The following USH2A variants were observed in gnomAD, a reference collection of about 807,000 sequenced individuals.
USH2A encodes the protein usherin.
A neutral mutation model predicts 538.9 loss-of-function variants in USH2A; 443 were observed. The ratio of observed to expected loss-of-function variants is 0.82; its 90% CI spans 0.76 to 0.89. USH2A has a LOEUF of 0.89. Ranked by LOEUF, USH2A falls within the 40% of genes least tolerant of loss-of-function variation. The pLI is 0.00. For missense variants in USH2A, 6,633 were observed against 6,324.8 expected (o/e 1.05, Z -1.65); for synonymous variants, 2,413 against 2,273.5 (o/e 1.06, Z -1.75).
intron 55 of USH2A, among the ~76,000 whole-genome samples, chr1:215,776,180 A>G (rs1312387271): frequency 6.6e-6 from 1 of 152,176 alleles, no homozygotes. Flanking sequence ...TTAGTAATAA[A>G]TGATATGAAA....
chr1:215,770,542 A>T (rs756900426), intron 55 of USH2A, among the ~76,000 whole-genome samples: 7 of 152,138 alleles, frequency 4.6e-5, no homozygotes, highest in Non-Finnish European at 1.0e-4. Flanking sequence ...TTCTCTTTTC[A>T]TTGGACTCTA....
At chr1:216,174,171 T>C (rs2034326877) in intron 21 of USH2A, 6 of 984,780 alleles carry the variant, frequency 6.1e-6, no homozygotes, top group Non-Finnish European at 7.2e-6. Flanking sequence ...AATAAAACAA[T>C]ACAAATTTTT....
Position 215,878,801 on chromosome 1 carries a change from A to C in USH2A, c.8521T>G (p.Trp2841Gly). The C allele has an allele frequency of 6.2e-7, 1 of 1,614,080 alleles. No homozygotes were observed. The highest frequency in any genetic ancestry group is 1.3e-5 in the African/African-American group (1 of 75,054). ...PLSESYVVIS[W>G]QPPSKPNGPN... ...CCATTTGGCTTGGATGGTGGTTGCC[A>C]AGAAATCACAACATATGATTCACTT... Residue 2841 changes from tryptophan to glycine, a missense_variant, in exon 42 of 72, where the codon TGG becomes GGG. Trp to Gly is a radical substitution (Grantham distance 184). Coordinates refer to ENST00000307340, the MANE Select transcript of USH2A (RefSeq NM_206933.4).
chr1:216,284,844 G>T (rs935028855), intron 11 of USH2A, among the ~76,000 whole-genome samples: 1 of 152,188 alleles, frequency 6.6e-6, no homozygotes, highest in Non-Finnish European at 1.5e-5. Context: ...GTCTCAGCTG[G>T]AGATAAGTAA....
In USH2A at chr1:215,838,003, C is replaced by T; in HGVS notation, c.9359G>A (p.Gly3120Asp). 6.2e-7 allele frequency: 1 copy of T among 1,613,814 alleles called. No homozygotes were observed. Among genetic ancestry groups the T allele is most frequent in the Non-Finnish European group, 8.5e-7 (1 of 1,179,766 alleles). The change falls in exon 47 of 72, where the codon GGC becomes GAC. Residue 3120 changes from glycine (G) to aspartate (D), a missense_variant. Physicochemically the swap from Gly to Asp is moderately conservative, Grantham distance 94 (BLOSUM62 -1). Coordinates refer to ENST00000307340, the MANE Select transcript of USH2A (RefSeq NM_206933.4). ...CAAAATTTTGTACCTTGAAGTGATG[C>T]CACGAATTGTGGGTGTTGGTATATC... is the stretch of plus-strand genomic sequence containing the variant. ...PSDIPTPTIR[G>D]ITSRSLQIDW... is the part of the protein sequence containing the mutation.
At chr1:215,817,244 T>C (rs1662885014) in intron 47 of USH2A, 49 bp from the exon 48 acceptor site, 1 of 1,577,586 alleles carries the variant, frequency 6.3e-7, no homozygotes, top group African/African-American at 1.3e-5. Flanking sequence ...CTATTTAACA[T>C]TGATGCTATC....
chr1:216,095,562 T>C (rs1344693247), intron 22 of USH2A, among the ~76,000 whole-genome samples: 1 of 152,130 alleles, frequency 6.6e-6, no homozygotes, highest in Non-Finnish European at 1.5e-5. Context: ...TGGCATCCTT[T>C]AAGAAGCTGC....
At chr1:216,234,218 G>T (rs892619641) in intron 13 of USH2A, among the ~76,000 whole-genome samples, 1 of 152,012 alleles carries the variant, frequency 6.6e-6, no homozygotes, top group African/African-American at 2.4e-5. Flanking sequence ...CAACAATTGG[G>T]TTTTTTTCCT....
chr1:216,120,700 A>G (rs1263864952), intron 21 of USH2A, among the ~76,000 whole-genome samples: 2 of 151,946 alleles, frequency 1.3e-5, no homozygotes, highest in Non-Finnish European at 2.9e-5. Context: ...AAAAATACAA[A>G]AATTAGCCGG....
At chr1:215,869,443 A>C (rs1292689967) in intron 43 of USH2A, among the ~76,000 whole-genome samples, 2 of 152,162 alleles carry the variant, frequency 1.3e-5, no homozygotes, top group Non-Finnish European at 2.9e-5. Context: ...TTACACATTC[A>C]AACAGTCTGG....
Position 215,651,231 on chromosome 1 carries a change from G to A in USH2A, c.14134-430C>T, listed in dbSNP as rs560719154. ...AAATTAAATTTCCTTTCATCAAGGA[G>A]GGAATAAACATATGGAACGATGTAT... On this transcript the variant is annotated intron_variant, in intron 64 of 71. Coordinates refer to ENST00000307340, the MANE Select transcript of USH2A (RefSeq NM_206933.4). 7.9e-5 allele frequency among the ~76,000 whole-genome samples: 12 copies of A among 152,276 alleles called. No homozygotes were observed. The East Asian group carries it at 2.3e-3, about 29-fold the overall frequency.
intron 35 of USH2A, 119 bp downstream of exon 35, chr1:215,992,901 G>A: frequency 1.4e-6 from 2 of 1,473,082 alleles, no homozygotes; most frequent in South Asian, 2.3e-5. Flanking sequence ...ACTATCTTAG[G>A]TATTTTATGT....
chr1:216,420,012 AT>A (rs2039647969), intron 2 of USH2A, among the ~76,000 whole-genome samples: 1 of 152,148 alleles, frequency 6.6e-6, no homozygotes, highest in Admixed American at 6.6e-5. Context: ...ATAGATTTAG[AT>A]GACATAAAGG....
At chr1:215,803,689 A>G (rs1054919501) in intron 49 of USH2A, among the ~76,000 whole-genome samples, 48 of 152,260 alleles carry the variant, frequency 3.2e-4, no homozygotes, top group Non-Finnish European at 5.0e-4. Flanking sequence ...AATCAATATC[A>G]CGAAAATGGC....
rs1194899754 is a variant in USH2A, at chr1:215,680,256, C to G, written c.12187G>C (p.Glu4063Gln). The change falls in exon 62 of 72, where the codon GAA becomes CAA. Residue 4063 changes from glutamate (E) to glutamine (Q), a missense_variant. Glu to Gln is a conservative substitution (Grantham distance 29). Transcript: ENST00000307340. The stretch of plus-strand genomic sequence containing the variant: ...TTTCTCAGTCCACTTGGGGAAGATT[C>G]TAAGGTTTGAATCAGAGTCCAAGGG... The part of the protein sequence containing the change: ...LSPWTLIQTL[E>Q]SSPSGLRNFI... 6.2e-7 allele frequency: 1 copy of G among 1,614,130 alleles called. No homozygotes were observed. Among genetic ancestry groups the G allele is most frequent in the Admixed American group, 1.7e-5 (1 of 60,012 alleles).
intron 22 of USH2A, among the ~76,000 whole-genome samples, chr1:216,096,689 C>T (rs1466682825): frequency 6.6e-6 from 1 of 151,906 alleles, no homozygotes; most frequent in African/African-American, 2.4e-5. Context: ...TACCCGATAG[C>T]CACTTAAATA....
intron 4 of USH2A, among the ~76,000 whole-genome samples, chr1:216,355,467 C>A (rs138785471): frequency 6.6e-6 from 1 of 152,128 alleles, no homozygotes; most frequent in East Asian, 1.9e-4. Flanking sequence ...GACAAGGAAA[C>A]AACATCTTTA....
At chr1:215,851,731 G>A (rs1449595322) in intron 44 of USH2A, among the ~76,000 whole-genome samples, 1 of 151,662 alleles carries the variant, frequency 6.6e-6, no homozygotes, top group Non-Finnish European at 1.5e-5. Context: ...GAAAGGACAT[G>A]ACAAAAAAGA....
chr1:216,158,415 G>A (rs975648659), intron 21 of USH2A, among the ~76,000 whole-genome samples: 1 of 151,764 alleles, frequency 6.6e-6, no homozygotes, highest in African/African-American at 2.4e-5. Context: ...TCAGCTTTTT[G>A]TAGAGATGAG....
Sources: gnomAD v4.1 joint callset for allele counts (sites outside exome capture counted in the v4.1 genomes callset) on GRCh38, gnomAD v4.1.1 for gene constraint, MANE v1.5 for transcripts, NCBI Gene and HGNC (gene_info 2026-07-23, HGNC 2026-07-21) for gene names.